Variants in PRCP observed in about 807,000 individuals in gnomAD.
PRCP encodes lysosomal Pro-X carboxypeptidase.
PRCP carries 46 observed loss-of-function variants against 54.2 expected under a neutral mutation model. That is an observed-to-expected ratio of 0.85 (90% CI 0.67 to 1.09). PRCP has a LOEUF of 1.09. Ranked by LOEUF, PRCP falls within the 50% of genes least tolerant of loss-of-function variation. The pLI is 0.00. For missense variants in PRCP, 613 were observed against 596.8 expected (o/e 1.03, Z -0.28); for synonymous variants, 240 against 212.2 (o/e 1.13, Z -1.14).
At chr11:82,839,219 A>G in intron 7 of PRCP, 42 bp downstream of exon 7, 2 of 1,580,782 alleles carry the variant, frequency 1.3e-6, no homozygotes, top group Non-Finnish European at 1.7e-6. Flanking sequence ...CAACTGTGTC[A>G]GTGAAAAGTA....
chr11:82,837,035 A>G, intron 8 of PRCP: 1 of 196,986 alleles, frequency 5.1e-6, no homozygotes, highest in South Asian at 8.1e-5. Flanking sequence ...GGGCTGGAGG[A>G]AACTAGCCCT....
rs754557064 is a variant in PRCP, at chr11:82,850,393, G to C, written c.524C>G (p.Ala175Gly). 6.2e-7 allele frequency: 1 copy of C among 1,603,944 alleles called. No homozygotes were observed. The highest frequency in any genetic ancestry group is 1.7e-5 in the Admixed American group (1 of 58,998). The change falls in exon 4 of 9, where the codon GCC becomes GGC. Residue 175 changes from alanine (A) to glycine (G), a missense_variant. Transcript: ENST00000313010. ...IPGAENQPVIAIGGSYGGMLA... is the reference protein window; with the variant it reads ...IPGAENQPVIGIGGSYGGMLA... Reference sequence around the variant, plus strand: ...CATGCCACCATAGGAGCCTCCTATGGCAATGACAGGTTGATTTTCAGCTCC... The same window carrying C: ...CATGCCACCATAGGAGCCTCCTATGCCAATGACAGGTTGATTTTCAGCTCC...
In PRCP at chr11:82,838,476, A is replaced by G. The variant is rs1421522861; in HGVS notation, c.1185T>C (p.Phe395=). The change falls in exon 8 of 9, where the codon TTT becomes TTC. Residue 395 remains phenylalanine (F), a synonymous_variant. Coordinates refer to ENST00000313010, the MANE Select transcript of PRCP (RefSeq NM_005040.4). ...WNLKELSDDC[F]QQWGVRPRPS... Reference sequence around the variant, plus strand: ...GCCTTGGTCTCACACCCCACTGTTGAAAACAGTCATCAGAAAGTTCCTTTA... The same window carrying G: ...GCCTTGGTCTCACACCCCACTGTTGGAAACAGTCATCAGAAAGTTCCTTTA... The G allele has an allele frequency of 6.2e-7, 1 of 1,614,062 alleles. No individual in the cohort carries two copies. Among genetic ancestry groups the G allele is most frequent in the South Asian group, 1.1e-5 (1 of 91,078 alleles).
At chr11:82,846,629 T>C (rs1432270371) in intron 6 of PRCP, among the ~76,000 whole-genome samples, 1 of 152,092 alleles carries the variant, frequency 6.6e-6, no homozygotes, top group Non-Finnish European at 1.5e-5. Context: ...CCTAAAGATA[T>C]CTTACCTTAA....
At chr11:82,858,801 T>A (rs1859147268) in intron 2 of PRCP, 1 of 152,068 alleles carries the variant, frequency 6.6e-6, no homozygotes, top group Admixed American at 6.5e-5. Context: ...TTGTCTCCTT[T>A]CCAGAAATCA....
At chr11:82,857,924 T>C (rs1859128465) in intron 2 of PRCP, among the ~76,000 whole-genome samples, 1 of 152,152 alleles carries the variant, frequency 6.6e-6, no homozygotes, top group African/African-American at 2.4e-5. Flanking sequence ...TCAACACCAC[T>C]GTGCTAGGTA....
rs1450759470 is a variant in PRCP, at chr11:82,850,304, T to C, written c.593+20A>G. On this transcript the variant is annotated intron_variant, in intron 4 of 8. Coordinates refer to ENST00000313010, the MANE Select transcript of PRCP (RefSeq NM_005040.4). ...TGATAATCATTAAGAAACGTTCATG[T>C]CCAGTACAAATGCACTTACCCAACT... is the stretch of plus-strand genomic sequence containing the variant. The C allele has an allele frequency of 6.9e-7, 1 of 1,458,908 alleles. No individual in the cohort carries two copies. Among genetic ancestry groups the C allele is most frequent in the Non-Finnish European group, 9.1e-7 (1 of 1,097,514 alleles). 90.4% of individuals were successfully genotyped at this position (1,458,908 alleles called of 1,614,324 possible).
intron 1 of PRCP, 151 bp downstream of exon 1, chr11:82,900,084 G>A: frequency 1.0e-6 from 1 of 1,001,762 alleles, no homozygotes; most frequent in Non-Finnish European, 1.5e-6. Flanking sequence ...CTGGGATTTG[G>A]GACCACCTTC....
At chr11:82,899,371 G>C (rs146946636) in intron 1 of PRCP, among the ~76,000 whole-genome samples, 5 of 152,330 alleles carry the variant, frequency 3.3e-5, no homozygotes, top group African/African-American at 1.2e-4. Context: ...CAAGGTCACA[G>C]AGCTAGCAGG....
Position 82,839,250 on chromosome 11 carries a change from T to C in PRCP, c.1086+11A>G, listed in dbSNP as rs752443122. On this transcript the variant is annotated intron_variant, in intron 7 of 8. Transcript: ENST00000313010. ...AAGTAAGTTCCACTTGGGGAAATTA[T>C]ACATATTTACCTGATAGCTCCAACC... The C allele has an allele frequency of 1.2e-6, 2 of 1,600,828 alleles. No individual in the cohort carries two copies. The highest frequency in any genetic ancestry group is 1.1e-5 in the South Asian group (1 of 88,090).
chr11:82,852,836 G>A (rs1379356769), intron 3 of PRCP, among the ~76,000 whole-genome samples: 1 of 152,006 alleles, frequency 6.6e-6, no homozygotes, highest in Non-Finnish European at 1.5e-5. Flanking sequence ...TCCAGTGGCA[G>A]GCTCAATAAT....
chr11:82,865,644 G>A (rs565605494), intron 1 of PRCP, among the ~76,000 whole-genome samples: 4 of 152,166 alleles, frequency 2.6e-5, no homozygotes, highest in South Asian at 2.1e-4. Context: ...ATTAACTTAC[G>A]CCTCCAATAA....
At chr11:82,874,705 A>G (rs1022450702) in intron 1 of PRCP, among the ~76,000 whole-genome samples, 15 of 150,418 alleles carry the variant, frequency 1.0e-4, no homozygotes, top group East Asian at 7.8e-4. Flanking sequence ...AAAAAAAAAA[A>G]AAAAGAAAAA....
At chr11:82,839,207 C>A in intron 7 of PRCP, 54 bp downstream of exon 7, 1 of 1,558,528 alleles carries the variant, frequency 6.4e-7, no homozygotes, top group East Asian at 2.3e-5. Context: ...TTTTTTACAG[C>A]ACAACTGTGT....
In PRCP at chr11:82,824,729, G is replaced by A; in HGVS notation, c.*177C>T. 3.1e-6 allele frequency: 2 copies of A among 647,514 alleles called. No individual in the cohort carries two copies. Among genetic ancestry groups the A allele is most frequent in the Non-Finnish European group, 5.2e-6 (2 of 384,062 alleles). 40.1% of individuals were successfully genotyped at this position (647,514 alleles called of 1,614,324 possible). ...TGGTGCAAAGACAGTGAGAACCCAG[G>A]AAATCACATTCATGGGACACTTGCT... On this transcript the variant is annotated 3_prime_UTR_variant, in exon 9 of 9. Coordinates refer to ENST00000313010, the MANE Select transcript of PRCP (RefSeq NM_005040.4).
chr11:82,891,524 T>A (rs1860009171), intron 1 of PRCP, among the ~76,000 whole-genome samples: 1 of 152,132 alleles, frequency 6.6e-6, no homozygotes, highest in Admixed American at 6.5e-5. Flanking sequence ...ACGGCCAAAT[T>A]CCTTACAATG....
intron 1 of PRCP, among the ~76,000 whole-genome samples, chr11:82,882,854 AACAC>A (rs3222274): frequency 5.6e-5 from 4 of 71,968 alleles, no homozygotes; most frequent in Non-Finnish European, 1.1e-4. Flanking sequence ...CTACCTGTGC[AACAC>A]ACACACACAC....
intron 1 of PRCP, among the ~76,000 whole-genome samples, chr11:82,862,271 G>A (rs1859224408): frequency 6.6e-6 from 1 of 152,060 alleles, no homozygotes; most frequent in Non-Finnish European, 1.5e-5. Context: ...TACCCTTTGA[G>A]ATTTTTTAAC....
Position 82,893,774 on chromosome 11 carries a change from C to T in PRCP, c.168+6461G>A, listed in dbSNP as rs531705308. 2.0e-4 allele frequency among the ~76,000 whole-genome samples: 30 copies of T among 152,272 alleles called. No homozygotes were observed. In the South Asian group the frequency reaches 6.0e-3, roughly 30 times the overall value. On this transcript the variant is annotated intron_variant, in intron 1 of 8. Coordinates refer to ENST00000313010, the MANE Select transcript of PRCP (RefSeq NM_005040.4). Reference sequence around the variant, plus strand: ...CATGGCTTCACTCCAGCCTGAGTGACAGAGCAAGATCCTGTCTAAAAATAA... The same window carrying T: ...CATGGCTTCACTCCAGCCTGAGTGATAGAGCAAGATCCTGTCTAAAAATAA...
Sources: allele counts gnomAD v4.1 joint callset (sites outside exome capture counted in the v4.1 genomes callset), GRCh38; gene constraint gnomAD v4.1.1; transcripts MANE v1.5; gene names NCBI Gene and HGNC (gene_info 2026-07-23, HGNC 2026-07-21).